EFHC1: variants seen among roughly 807,000 people sequenced by gnomAD.
The protein encoded by EFHC1 is EF-hand domain containing 1.
Under a neutral mutation model 69.9 loss-of-function variants are expected in EFHC1, and 53 were observed. The observed-to-expected ratio is 0.76, with a 90% CI of 0.61 to 0.95. EFHC1 has a LOEUF of 0.95. EFHC1 is among the 40% of genes least tolerant of loss of function. The pLI is 0.00. For missense variants in EFHC1, 739 were observed against 798.7 expected (o/e 0.93, Z 0.90); for synonymous variants, 256 against 278.4 (o/e 0.92, Z 0.80).
rs370138386 is a variant in EFHC1, at chr6:52,479,604, A to G, written c.1493-36A>G. On this transcript the variant is annotated intron_variant, in intron 8 of 10. Coordinates refer to ENST00000371068, the MANE Select transcript of EFHC1 (RefSeq NM_018100.4). Reference sequence around the variant, plus strand: ...TTTACTCCTGATTGCGTGAGAGAACATCACCAAGCTAAGTGTGTTGCTACC... The same window carrying G: ...TTTACTCCTGATTGCGTGAGAGAACGTCACCAAGCTAAGTGTGTTGCTACC... 3.0e-5 allele frequency: 48 copies of G among 1,614,154 alleles called. No homozygotes were observed. In the African/African-American group the frequency reaches 5.6e-4, roughly 19 times the overall value.
chr6:52,431,085 CTTCTT>C (rs1250224835), intron 2 of EFHC1, among the ~76,000 whole-genome samples: 2 of 152,052 alleles, frequency 1.3e-5, no homozygotes, highest in African/African-American at 2.4e-5. Context: ...GATTTTCTCT[CTTCTT>C]TTCTTGGTTA....
At chr6:52,431,332 C>T (rs867032108) in intron 2 of EFHC1, among the ~76,000 whole-genome samples, 1 of 151,900 alleles carries the variant, frequency 6.6e-6, no homozygotes, top group Non-Finnish European at 1.5e-5. Context: ...TTGATGTAGG[C>T]GTTTTGGGGT....
chr6:52,466,418 C>G (rs1765308126), intron 6 of EFHC1, among the ~76,000 whole-genome samples: 1 of 152,160 alleles, frequency 6.6e-6, no homozygotes, highest in Non-Finnish European at 1.5e-5. Context: ...ACATGCAGCT[C>G]TTTTTTATCC....
At chr6:52,464,565 G>A (rs1235302325) in intron 5 of EFHC1, among the ~76,000 whole-genome samples, 1 of 152,136 alleles carries the variant, frequency 6.6e-6, no homozygotes, top group Non-Finnish European at 1.5e-5. Flanking sequence ...CCTAGACCTA[G>A]GACTTTATAC....
chr6:52,494,245 G>C lies in EFHC1; in HGVS notation c.*1904G>C, dbSNP rs780064333. 3.3e-5 allele frequency: 15 copies of C among 454,132 alleles called. No homozygotes were observed. The highest frequency in any genetic ancestry group is 2.3e-4 in the South Asian group (15 of 64,478). The allele number at this position is 454,132 out of a possible 1,614,324, so 28.1% of individuals were successfully genotyped here. A position where few individuals can be genotyped will look rare whatever the true frequency, so the allele number is the denominator to read the frequency against. Reference sequence around the variant, plus strand: ...GACCATTGAAAGTTGGGGACTATCTGTATTTTAGAAGTTTTTTCAGCTTAA... The same window carrying C: ...GACCATTGAAAGTTGGGGACTATCTCTATTTTAGAAGTTTTTTCAGCTTAA... On this transcript the variant is annotated 3_prime_UTR_variant, in exon 11 of 11. Coordinates refer to ENST00000371068, the MANE Select transcript of EFHC1 (RefSeq NM_018100.4).
chr6:52,422,580 T>A (rs947846590), intron 1 of EFHC1, among the ~76,000 whole-genome samples: 4 of 152,178 alleles, frequency 2.6e-5, no homozygotes, highest in African/African-American at 7.2e-5. Context: ...GCAATTAGGA[T>A]GTAGAAAGTT....
In EFHC1 at chr6:52,455,916, T is replaced by C. The variant is rs540013616; in HGVS notation, c.916+1629T>C. Among the ~76,000 whole-genome samples, 8 of 152,336 alleles carry C rather than the reference T, an allele frequency of 5.3e-5. No homozygotes were observed. The East Asian group carries it at 1.2e-3, about 22-fold the overall frequency. ...GTAGTTAGAAGCAGTAAACAAGATGTACACAGAAAGCAAGTGGATGGATCT... is the reference window on the plus strand; with the variant it reads ...GTAGTTAGAAGCAGTAAACAAGATGCACACAGAAAGCAAGTGGATGGATCT... On this transcript the variant is annotated intron_variant, in intron 5 of 10. Coordinates refer to ENST00000371068, the MANE Select transcript of EFHC1 (RefSeq NM_018100.4).
chr6:52,439,657 A>G (rs1344023366), intron 3 of EFHC1, among the ~76,000 whole-genome samples: 2 of 152,172 alleles, frequency 1.3e-5, no homozygotes, highest in Non-Finnish European at 2.9e-5. Flanking sequence ...AGTAAAGGGA[A>G]TGGAAGTTGA....
chr6:52,479,097 G>A lies in EFHC1; in HGVS notation c.1339G>A (p.Asp447Asn), dbSNP rs928430333. Reference sequence around the variant, plus strand: ...TGTCTTCTCTTACTTTCTAGCTACCGACATGATCAGTATCTTTGAGCCTCC... The same window carrying A: ...TGTCTTCTCTTACTTTCTAGCTACCAACATGATCAGTATCTTTGAGCCTCC... ...RFVFSYFLAT[D>N]MISIFEPPVR... The change falls in exon 8 of 11, where the codon GAC (aspartate) becomes AAC (asparagine). Residue 447 changes from aspartate to asparagine, a missense_variant. By Grantham distance (23) the Asp-to-Asn change is conservative. Transcript: ENST00000371068. 7 of 1,613,934 alleles carry A rather than the reference G, an allele frequency of 4.3e-6. No individual in the cohort carries two copies. The highest frequency in any genetic ancestry group is 2.7e-5 in the African/African-American group (2 of 74,892).
intron 2 of EFHC1, among the ~76,000 whole-genome samples, chr6:52,424,527 C>T (rs1309879840): frequency 6.6e-6 from 1 of 152,164 alleles, no homozygotes; most frequent in Non-Finnish European, 1.5e-5. Context: ...CATATCTAAT[C>T]TTCATGAGAT....
intron 2 of EFHC1, among the ~76,000 whole-genome samples, chr6:52,434,985 C>T (rs1271054774): frequency 6.6e-6 from 1 of 152,056 alleles, no homozygotes; most frequent in East Asian, 1.9e-4. Flanking sequence ...TTGCCATAGG[C>T]ATTTTCATGC....
At chr6:52,431,477 C>T (rs901943744) in intron 2 of EFHC1, among the ~76,000 whole-genome samples, 3 of 152,116 alleles carry the variant, frequency 2.0e-5, no homozygotes, top group African/African-American at 7.2e-5. Context: ...CACTTAGGAG[C>T]AGGTTATTTA....
rs1438562475 is a variant in EFHC1 at position 52,492,997 on chromosome 6, A to C, written c.*656A>C. The stretch of plus-strand genomic sequence containing the variant: ...CATTTGAATCAGAAGACTAAGTAAA[A>C]CAGATAGTCCTCCCTAATGTGGGTG... On this transcript the variant is annotated 3_prime_UTR_variant, in exon 11 of 11. Coordinates refer to ENST00000371068, the MANE Select transcript of EFHC1 (RefSeq NM_018100.4). The C allele has an allele frequency of 4.4e-6, 2 of 454,100 alleles. No homozygotes were observed. Among genetic ancestry groups the C allele is most frequent in the East Asian group, 1.4e-4 (2 of 14,400 alleles). 28.1% of individuals were successfully genotyped at this position (454,100 alleles called of 1,614,324 possible). A position where few individuals can be genotyped will look rare whatever the true frequency, so the allele number is the denominator to read the frequency against.
rs1021863973 is a variant in EFHC1, at chr6:52,492,599, CCTTT to C, written c.*267_*270del. On this transcript the variant is annotated 3_prime_UTR_variant, in exon 11 of 11. Coordinates refer to ENST00000371068, the MANE Select transcript of EFHC1 (RefSeq NM_018100.4). ...TTGGCCACAGGGGGCCCAAATATTT[CCTTT>C]CTTTCTTTTTAAAAAAATAAATTTT... 40 of 607,372 alleles carry C rather than the reference CCTTT, an allele frequency of 6.6e-5. No individual in the cohort carries two copies. The highest frequency in any genetic ancestry group is 4.4e-4 in the African/African-American group (24 of 54,926). The allele number at this position is 607,372 out of a possible 1,614,324, so 37.6% of individuals were successfully genotyped here. A position where few individuals can be genotyped will look rare whatever the true frequency, so the allele number is the denominator to read the frequency against.
chr6:52,449,639 T>C (rs984215950), intron 3 of EFHC1, among the ~76,000 whole-genome samples: 3 of 152,176 alleles, frequency 2.0e-5, no homozygotes, highest in Admixed American at 6.5e-5. Flanking sequence ...TCTCTGATGG[T>C]TGCTTATAAT....
intron 1 of EFHC1, 92 bp downstream of exon 1, chr6:52,420,565 C>G: frequency 2.7e-6 from 4 of 1,460,492 alleles, no homozygotes; most frequent in Non-Finnish European, 3.8e-6. Context: ...CCCCTCCACT[C>G]AAGTCTGTCT....
intron 2 of EFHC1, chr6:52,437,627 C>T (rs1764561477): frequency 6.6e-6 from 1 of 152,302 alleles, no homozygotes; most frequent in Non-Finnish European, 1.5e-5. Flanking sequence ...GGCTCTCTTC[C>T]TGGCTTGCAT....
At position 52,492,863 on chromosome 6, in the gene EFHC1, C is replaced by T. The variant is rs1765941026; in HGVS notation, c.*522C>T. On this transcript the variant is annotated 3_prime_UTR_variant, in exon 11 of 11. Coordinates refer to ENST00000371068, the MANE Select transcript of EFHC1 (RefSeq NM_018100.4). ...AACTCATGAGCTCCAGAAATTCTCC[C>T]ACCTCAGCCTCCAAAAGTGCTGGGA... is the stretch of plus-strand genomic sequence containing the variant. 1 of 450,624 alleles carries T rather than the reference C, an allele frequency of 2.2e-6. No individual in the cohort carries two copies. The allele number at this position is 450,624 out of a possible 1,614,324, so 27.9% of individuals were successfully genotyped here.
chr6:52,460,337 C>G (rs1057483539), intron 5 of EFHC1, among the ~76,000 whole-genome samples: 5 of 151,884 alleles, frequency 3.3e-5, no homozygotes, highest in Non-Finnish European at 7.4e-5. Flanking sequence ...TATAAATAAG[C>G]AAAATAGATC....
Sources: gnomAD v4.1 joint callset for allele counts (sites outside exome capture counted in the v4.1 genomes callset) on GRCh38, gnomAD v4.1.1 for gene constraint, MANE v1.5 for transcripts, NCBI Gene and HGNC (gene_info 2026-07-23, HGNC 2026-07-21) for gene names.